FAH: variants seen among roughly 807,000 people sequenced by gnomAD.
The protein encoded by FAH is fumarylacetoacetase.
In FAH, 47 loss-of-function variants were observed where a neutral mutation model predicts 55.8. The ratio of observed to expected loss-of-function variants is 0.84; its 90% CI spans 0.67 to 1.07. The LOEUF (loss-of-function observed/expected upper bound fraction) is 1.07. FAH is among the 50% of genes least tolerant of loss of function. The pLI, the probability that FAH is intolerant of heterozygous loss-of-function variation, is 0.00. For missense variants in FAH, 495 were observed against 545.9 expected (o/e 0.91, Z 0.93); for synonymous variants, 199 against 207.7 (o/e 0.96, Z 0.36).
At chr15:80,181,248 C>T in intron 13 of FAH, 89 bp downstream of exon 13, 1 of 895,052 alleles carries the variant, frequency 1.1e-6, no homozygotes, top group Non-Finnish European at 1.9e-6. Context: ...GGCCATGAAG[C>T]CATCTGTTCT....
chr15:80,152,995 G>A (rs1253467285), upstream of FAH: 4 of 1,497,614 alleles, frequency 2.7e-6, no homozygotes, highest in African/African-American at 2.7e-5. Flanking sequence ...CAGCGGCCGA[G>A]TTCAGTCCTG....
At chr15:80,158,202 C>T (rs2041116473) in intron 2 of FAH, 32 bp downstream of exon 2, 1 of 1,418,582 alleles carries the variant, frequency 7.0e-7, no homozygotes, top group Non-Finnish European at 1.0e-6. Flanking sequence ...TGTCCCTGAC[C>T]TCAGTGGCAC....
intron 9 of FAH, among the ~76,000 whole-genome samples, chr15:80,174,662 G>A (rs530684172): frequency 6.6e-6 from 1 of 152,280 alleles, no homozygotes. Context: ...TGCGCTTTCA[G>A]GCCCAGCCTT....
chr15:80,160,101 C>A, intron 3 of FAH: 1 of 656,820 alleles, frequency 1.5e-6, no homozygotes, highest in South Asian at 1.9e-5. Context: ...TAGGCCAGGC[C>A]AGGCCCATTG....
In FAH at chr15:80,180,107, G is replaced by A. The variant is rs372657388; in HGVS notation, c.961-17G>A. On this transcript the variant is annotated splice_polypyrimidine_tract_variant and intron_variant, in intron 11 of 13. Coordinates refer to ENST00000561421, the MANE Select transcript of FAH (RefSeq NM_000137.4). ...AGCCTGCCGCTGCTCATTCCACCTC[G>A]CGTCCATTGCCTGCAGTACATGTAC... 317 of 1,568,956 alleles carry A rather than the reference G, an allele frequency of 2.0e-4. 2 individuals are homozygous for A. In the African/African-American group the frequency reaches 3.7e-3, roughly 18 times the overall value.
rs1165647348 is a variant in FAH at position 80,159,756 on chromosome 15, C to T, written c.193C>T (p.Pro65Ser). The change falls in exon 3 of 14, where the codon CCT becomes TCT. Residue 65 changes from proline (P) to serine (S), a missense_variant and splice_region_variant. Transcript: ENST00000561421. ...TTTTTTCTCCCTGTTTTGGTCTTAG[C>T]CTACACTCAACAGCTTCATGGGCCT... ...LSKHQDVFNQ[P>S]TLNSFMGLGQ... The T allele has an allele frequency of 1.9e-6, 3 of 1,614,186 alleles. No homozygotes were observed. The highest frequency in any genetic ancestry group is 2.5e-6 in the Non-Finnish European group (3 of 1,180,030).
intron 11 of FAH, among the ~76,000 whole-genome samples, chr15:80,178,225 A>T (rs1394100249): frequency 6.6e-6 from 1 of 152,080 alleles, no homozygotes; most frequent in Non-Finnish European, 1.5e-5. Context: ...AAAAAAGTGC[A>T]TATTATACAT....
chr15:80,175,625 G>A (rs979869575), intron 10 of FAH, among the ~76,000 whole-genome samples: 1 of 152,206 alleles, frequency 6.6e-6, no homozygotes, highest in Non-Finnish European at 1.5e-5. Context: ...CATAGACAGG[G>A]CCCACATCTC....
rs768269250 is a variant in FAH at position 80,160,401 on chromosome 15, G to A, written c.315-9G>A. The A allele has an allele frequency of 1.2e-5, 20 of 1,614,076 alleles. No individual in the cohort carries two copies. The highest frequency in any genetic ancestry group is 4.0e-5 in the African/African-American group (3 of 74,950). ...ACTTGACTTTGAAGCCCCTGGTTCT[G>A]TGTTTCAGTGCATTCATCTCCCAGG... is the stretch of plus-strand genomic sequence containing the variant. On this transcript the variant is annotated splice_polypyrimidine_tract_variant and intron_variant, in intron 3 of 13. Coordinates refer to ENST00000561421, the MANE Select transcript of FAH (RefSeq NM_000137.4).
chr15:80,180,644 A>G (rs2041323408), intron 12 of FAH, among the ~76,000 whole-genome samples: 1 of 152,084 alleles, frequency 6.6e-6, no homozygotes, highest in South Asian at 2.1e-4. Flanking sequence ...GGGGTGGTGC[A>G]TGTGTCACTC....
In FAH at chr15:80,186,205, C is replaced by T. The variant is rs374912001; in HGVS notation, c.1256C>T (p.Ser419Leu). 2 of 1,613,452 alleles carry T rather than the reference C, an allele frequency of 1.2e-6. No individual in the cohort carries two copies. The highest frequency in any genetic ancestry group is 2.7e-5 in the African/African-American group (2 of 74,926). Residue 419 changes from serine to leucine, a missense_variant, in exon 14 of 14, where the codon TCA (serine) becomes TTA (leucine). Transcript: ENST00000561421. The stretch of plus-strand genomic sequence containing the variant: ...AAAGTGCTGCCTGCTCTCCTGCCAT[C>T]ATGAGATTTTCTCTGCTCTTCTGGA... ...AGKVLPALLP[S>L]
chr15:80,176,315 C>G (rs534064118), intron 10 of FAH, among the ~76,000 whole-genome samples: 8 of 152,232 alleles, frequency 5.3e-5, no homozygotes, highest in Non-Finnish European at 1.0e-4. Flanking sequence ...CATGCCCGGC[C>G]AGCTCCATTT....
Position 80,153,009 on chromosome 15 carries a change from T to C in FAH, c.-46T>C. ...ACAGCGGCCGAGTTCAGTCCTGCTCTCCGCACGCCACCTTAGGCCCGCAGC... is the reference window on the plus strand; with the variant it reads ...ACAGCGGCCGAGTTCAGTCCTGCTCCCCGCACGCCACCTTAGGCCCGCAGC... On this transcript the variant is annotated 5_prime_UTR_variant, in exon 1 of 14. Coordinates refer to ENST00000561421, the MANE Select transcript of FAH (RefSeq NM_000137.4). 1 of 1,566,514 alleles carries C rather than the reference T, an allele frequency of 6.4e-7. No homozygotes were observed. Among genetic ancestry groups the C allele is most frequent in the Non-Finnish European group, 8.8e-7 (1 of 1,142,694 alleles).
intron 13 of FAH, among the ~76,000 whole-genome samples, chr15:80,185,015 C>T (rs116460382): frequency 0.054 from 8,190 of 152,250 alleles, 294 homozygotes; most frequent in East Asian, 0.086. Context: ...CAGAGATGGG[C>T]TTCTCTCTGC....
chr15:80,160,247 T>G, intron 3 of FAH, 163 bp from the exon 4 acceptor site: 1 of 742,946 alleles, frequency 1.3e-6, no homozygotes, highest in East Asian at 2.6e-5. Flanking sequence ...TGGGTGGATG[T>G]CCTCTCAGCT....
chr15:80,175,823 G>A (rs1369830150), intron 10 of FAH, among the ~76,000 whole-genome samples: 2 of 152,186 alleles, frequency 1.3e-5, no homozygotes, highest in Non-Finnish European at 2.9e-5. Flanking sequence ...GGTGTGTTGT[G>A]AGGACCAAAC....
chr15:80,177,843 T>A (rs977334470), intron 11 of FAH, among the ~76,000 whole-genome samples: 1 of 152,238 alleles, frequency 6.6e-6, no homozygotes, highest in African/African-American at 2.4e-5. Flanking sequence ...TCCTGGTTTA[T>A]CCTGTCCTGC....
At chr15:80,165,022 CAAAAT>C (rs1333085793) in intron 5 of FAH, among the ~76,000 whole-genome samples, 1 of 152,146 alleles carries the variant, frequency 6.6e-6, no homozygotes, top group Admixed American at 6.5e-5. Flanking sequence ...CAGTCTTTTA[CAAAAT>C]AAGTTTTTTG....
intron 11 of FAH, 137 bp downstream of exon 11, chr15:80,177,720 C>T: frequency 1.2e-6 from 1 of 813,902 alleles, no homozygotes. Context: ...CTTCCATGGC[C>T]TGTCTCTTTT....
Sources: allele counts gnomAD v4.1 joint callset (sites outside exome capture counted in the v4.1 genomes callset), GRCh38; gene constraint gnomAD v4.1.1; transcripts MANE v1.5; gene names NCBI Gene and HGNC (gene_info 2026-07-23, HGNC 2026-07-21).